Variants in DLG2 observed in about 807,000 individuals in gnomAD.
The protein encoded by DLG2 is discs large MAGUK scaffold protein 2.
A neutral mutation model predicts 132.5 loss-of-function variants in DLG2; 45 were observed. The ratio of observed to expected loss-of-function variants is 0.34; its 90% CI spans 0.27 to 0.44. The LOEUF (loss-of-function observed/expected upper bound fraction) is 0.44, where lower values mean the gene tolerates loss of function less well. Among genes scored for constraint, DLG2 ranks in the 20% least tolerant of loss-of-function variants. DLG2 has a pLI of 1.00. For missense variants in DLG2, 1,045 were observed against 1,196.9 expected (o/e 0.87, Z 1.87); for synonymous variants, 424 against 419.6 (o/e 1.01, Z -0.13).
At chr11:85,438,480 T>C (rs1244930202) in intron 3 of DLG2, among the ~76,000 whole-genome samples, 3 of 152,154 alleles carry the variant, frequency 2.0e-5, no homozygotes, top group Non-Finnish European at 4.4e-5. Context: ...TATGTATATA[T>C]CCATTACTTT....
intron 6 of DLG2, among the ~76,000 whole-genome samples, chr11:84,774,627 A>G (rs960853350): frequency 6.6e-6 from 1 of 152,146 alleles, no homozygotes; most frequent in Non-Finnish European, 1.5e-5. Flanking sequence ...CCGAGAACGC[A>G]GAAATAAAGC....
intron 10 of DLG2, among the ~76,000 whole-genome samples, chr11:84,086,138 A>T (rs2096976070): frequency 6.6e-6 from 1 of 152,216 alleles, no homozygotes; most frequent in South Asian, 2.1e-4. Context: ...CTACTTGGTT[A>T]GATTTAAGAA....
chr11:85,412,117 T>G (rs898552354), intron 3 of DLG2, among the ~76,000 whole-genome samples: 12 of 151,862 alleles, frequency 7.9e-5, no homozygotes, highest in Admixed American at 2.0e-4. Flanking sequence ...AATCAACCCA[T>G]GTCATTCCCC....
chr11:84,746,116 A>G (rs1343660309), intron 6 of DLG2, among the ~76,000 whole-genome samples: 2 of 152,150 alleles, frequency 1.3e-5, no homozygotes, highest in Admixed American at 6.5e-5. Flanking sequence ...GGCAAAAAGC[A>G]GACAATTATA....
intron 7 of DLG2, among the ~76,000 whole-genome samples, chr11:84,512,376 T>TA (rs1439263633): frequency 6.6e-6 from 1 of 152,136 alleles, no homozygotes; most frequent in South Asian, 2.1e-4. Context: ...ACAGTACCTT[T>TA]AAAAAAATCA....
chr11:85,582,772 T>C (rs2078637858), intron 3 of DLG2, among the ~76,000 whole-genome samples: 1 of 148,368 alleles, frequency 6.7e-6, no homozygotes, highest in African/African-American at 2.5e-5. Context: ...AACTTTTTTT[T>C]CAAAACTCAA....
At chr11:84,837,678 T>C (rs990742749) in intron 6 of DLG2, among the ~76,000 whole-genome samples, 8 of 151,834 alleles carry the variant, frequency 5.3e-5, no homozygotes, top group African/African-American at 1.9e-4. Flanking sequence ...CCCATTGCTA[T>C]AGGAATTTTC....
intron 18 of DLG2, among the ~76,000 whole-genome samples, chr11:83,651,151 A>C (rs1469672069): frequency 6.6e-6 from 1 of 152,166 alleles, no homozygotes; most frequent in Non-Finnish European, 1.5e-5. Flanking sequence ...CTCAGCTCTT[A>C]GTACAAGTAA....
At chr11:85,618,424 A>G (rs967774266) in intron 2 of DLG2, among the ~76,000 whole-genome samples, 1 of 152,236 alleles carries the variant, frequency 6.6e-6, no homozygotes, top group Non-Finnish European at 1.5e-5. Flanking sequence ...ACAGTGAGAA[A>G]TTTACTTATT....
At chr11:85,559,818 T>TGATAGATA (rs59676725) in intron 3 of DLG2, among the ~76,000 whole-genome samples, 8,869 of 144,348 alleles carry the variant, frequency 0.061, 374 homozygotes, top group East Asian at 0.086. Context: ...GTTAGATGAT[T>TGATAGATA]GATAGATAGA....
At chr11:85,179,753 A>G (rs555474956) in intron 4 of DLG2, among the ~76,000 whole-genome samples, 99 of 152,038 alleles carry the variant, frequency 6.5e-4, no homozygotes, top group African/African-American at 2.3e-3. Context: ...AATAATACAA[A>G]TGAACTAAAC....
intron 6 of DLG2, among the ~76,000 whole-genome samples, chr11:84,690,408 T>C (rs1418117273): frequency 1.3e-5 from 2 of 151,696 alleles, no homozygotes; most frequent in Non-Finnish European, 2.9e-5. Context: ...ATATACACAA[T>C]TATTTGTCAA....
chr11:85,579,661 A>G (rs2078386776), intron 3 of DLG2, among the ~76,000 whole-genome samples: 1 of 152,076 alleles, frequency 6.6e-6, no homozygotes, highest in Non-Finnish European at 1.5e-5. Context: ...AGAAAATAGG[A>G]GATGAAAAGG....
intron 3 of DLG2, among the ~76,000 whole-genome samples, chr11:85,596,858 A>G (rs1033065506): frequency 6.6e-6 from 1 of 152,246 alleles, no homozygotes; most frequent in African/African-American, 2.4e-5. Flanking sequence ...ATAGATTACT[A>G]ATCAGTACAT....
intron 11 of DLG2, among the ~76,000 whole-genome samples, chr11:84,016,565 T>C (rs1303483637): frequency 6.6e-6 from 1 of 152,170 alleles, no homozygotes; most frequent in East Asian, 1.9e-4. Context: ...ATTTTCTGCC[T>C]ATGGCTAGCC....
chr11:85,372,031 A>G (rs1489942029), intron 3 of DLG2, among the ~76,000 whole-genome samples: 2 of 152,216 alleles, frequency 1.3e-5, no homozygotes, highest in South Asian at 4.1e-4. Context: ...ATTAAATTCT[A>G]AACTCACTAG....
chr11:85,451,834 C>G (rs1056702509), intron 3 of DLG2, among the ~76,000 whole-genome samples: 2 of 152,082 alleles, frequency 1.3e-5, no homozygotes, highest in African/African-American at 2.4e-5. Flanking sequence ...ACAGGTGAGC[C>G]AGCATGCCCT....
At chr11:85,448,690 TC>T (rs2092113800) in intron 3 of DLG2, among the ~76,000 whole-genome samples, 2 of 152,142 alleles carry the variant, frequency 1.3e-5, no homozygotes, top group African/African-American at 4.8e-5. Context: ...AGAAGTAGCC[TC>T]TATTTAGGAT....
At chr11:85,461,574 G>A (rs1458179644) in intron 3 of DLG2, among the ~76,000 whole-genome samples, 1 of 152,150 alleles carries the variant, frequency 6.6e-6, no homozygotes, top group Non-Finnish European at 1.5e-5. Context: ...GGCCAGTGAT[G>A]GGAAGTACTC....
Sources: allele counts gnomAD v4.1 joint callset (sites outside exome capture counted in the v4.1 genomes callset), GRCh38; gene constraint gnomAD v4.1.1; transcripts MANE v1.5; gene names NCBI Gene and HGNC (gene_info 2026-07-23, HGNC 2026-07-21).